Variants in KDM2B observed in about 807,000 individuals in gnomAD.
KDM2B encodes lysine demethylase 2B.
KDM2B carries 26 observed loss-of-function variants against 150.0 expected under a neutral mutation model. That is an observed-to-expected ratio of 0.17 (90% CI 0.13 to 0.24). The LOEUF is 0.24. Among genes scored for constraint, KDM2B ranks in the 10% least tolerant of loss-of-function variants. KDM2B has a pLI of 1.00. For missense variants in KDM2B, 1,265 were observed against 1,816.9 expected (o/e 0.70, Z 5.52); for synonymous variants, 734 against 729.5 (o/e 1.01, Z -0.10).
At chr12:121,534,335 C>T (rs1201418095) in intron 7 of KDM2B, among the ~76,000 whole-genome samples, 162 bp downstream of exon 7, 4 of 146,898 alleles carry the variant, frequency 2.7e-5, no homozygotes, top group African/African-American at 5.1e-5. Flanking sequence ...GGCGACAGAG[C>T]GAGACTCCAT....
At chr12:121,517,041 G>A (rs1472711559) in intron 9 of KDM2B, among the ~76,000 whole-genome samples, 1 of 152,000 alleles carries the variant, frequency 6.6e-6, no homozygotes, top group Non-Finnish European at 1.5e-5. Flanking sequence ...ACTGGGAGGG[G>A]GGGAAAGATA....
At position 121,430,012 on chromosome 12, in the gene KDM2B, C is replaced by A; in HGVS notation, c.*276G>T. The A allele has an allele frequency of 9.9e-7, 1 of 1,005,048 alleles. No individual in the cohort carries two copies. The allele number at this position is 1,005,048 out of a possible 1,614,324, so 62.3% of individuals were successfully genotyped here. A position where few individuals can be genotyped will look rare whatever the true frequency, so the allele number is the denominator to read the frequency against. On this transcript the variant is annotated 3_prime_UTR_variant, in exon 23 of 23. Coordinates refer to ENST00000377071, the MANE Select transcript of KDM2B (RefSeq NM_032590.5). This position sits in a 1 kb window ranked among gnomAD's most constrained non-coding sequence, Gnocchi z 4.4. ...TTCAGTATGAGAATTTCTCCGAAGT[C>A]CACCCTCCTCTCCGACAGGAATGTC...
chr12:121,413,106 A>G, the KDM2B span, among the ~76,000 whole-genome samples: 2 of 148,240 alleles, frequency 1.3e-5, no homozygotes, highest in African/African-American at 5.1e-5. Context: ...GCTCACTGCA[A>G]CCTCCGCCTC....
At position 121,515,595 on chromosome 12, in the gene KDM2B, G is replaced by A. The variant is rs985004139; in HGVS notation, c.1048-2193C>T. ...ATAAACAGGTGACATTCCCCATCTG[G>A]GACAAAGACAACTAGAAGCAGACCT... On this transcript the variant is annotated intron_variant, in intron 9 of 22. Transcript: ENST00000377071. 8.2e-5 allele frequency among the ~76,000 whole-genome samples: 12 copies of A among 146,002 alleles called. 1 individual carries two copies. In the Admixed American group the frequency reaches 8.2e-4, roughly 10 times the overall value.
downstream of KDM2B, among the ~76,000 whole-genome samples, chr12:121,428,852 C>T (rs1159149693): frequency 1.3e-5 from 2 of 152,164 alleles, no homozygotes; most frequent in African/African-American, 2.4e-5. Context: ...CCAAATCTGG[C>T]GAACTTTTAG....
At chr12:121,524,536 G>C (rs1425898465) in intron 8 of KDM2B, 1 of 196,164 alleles carries the variant, frequency 5.1e-6, no homozygotes, top group Non-Finnish European at 1.1e-5. Context: ...GGGCCTCAAG[G>C]GTGGGTCAGG....
intron 4 of KDM2B, among the ~76,000 whole-genome samples, chr12:121,565,872 C>A (rs1555314806): frequency 6.6e-6 from 1 of 152,044 alleles, no homozygotes; most frequent in African/African-American, 2.4e-5. Context: ...GGTGATCCAC[C>A]CATCTTGGCC....
intron 13 of KDM2B, among the ~76,000 whole-genome samples, chr12:121,450,230 C>T (rs2138609330): frequency 6.6e-6 from 1 of 151,722 alleles, no homozygotes. Context: ...AGGATAATTT[C>T]TTGAACCCAG....
At chr12:121,548,800 C>G in intron 6 of KDM2B, 77 bp downstream of exon 6, 1 of 1,073,306 alleles carries the variant, frequency 9.3e-7, no homozygotes, top group Non-Finnish European at 1.4e-6. Context: ...TGGCCAGGAG[C>G]CTCCTTCCCA....
rs377326836 is a variant in KDM2B at position 121,442,558 on chromosome 12, C to T, written c.2883G>A (p.Thr961=). ...SKELNHEIQR[T]ENSLANENQQ... ...GGTTCTCGTTGGCCAGGCTGTTCTC[C>T]GTCCTCTGGATCTCGTGGTTGAGCT... Residue 961 remains threonine, a synonymous_variant, in exon 19 of 23, where the codon ACG becomes ACA. Coordinates refer to ENST00000377071, the MANE Select transcript of KDM2B (RefSeq NM_032590.5). The surrounding 1 kb of genome is among the most constrained non-coding windows in gnomAD (Gnocchi z 7.7). 4.3e-5 allele frequency: 69 copies of T among 1,600,316 alleles called. No homozygotes were observed. In the African/African-American group the frequency reaches 7.1e-4, roughly 16 times the overall value.
intron 4 of KDM2B, among the ~76,000 whole-genome samples, chr12:121,551,323 G>C (rs1889471650): frequency 6.6e-6 from 1 of 152,040 alleles, no homozygotes; most frequent in South Asian, 2.1e-4. Context: ...ACCAGCCTGG[G>C]GAACACAGCA....
intron 8 of KDM2B, among the ~76,000 whole-genome samples, chr12:121,523,059 CGTGGGG>C (rs1566373580): frequency 1.3e-5 from 2 of 152,198 alleles, no homozygotes; most frequent in African/African-American, 4.8e-5. Flanking sequence ...GGTCACACAG[CGTGGGG>C]CTAGGAGATG....
At chr12:121,482,263 G>A (rs1882237703) in intron 12 of KDM2B, among the ~76,000 whole-genome samples, 1 of 151,908 alleles carries the variant, frequency 6.6e-6, no homozygotes, top group African/African-American at 2.4e-5. Context: ...TAAGTCTAGT[G>A]GGAAAAAAGG....
intron 8 of KDM2B, among the ~76,000 whole-genome samples, chr12:121,532,329 G>A (rs1887726466): frequency 1.3e-5 from 2 of 152,128 alleles, no homozygotes; most frequent in African/African-American, 4.8e-5. Context: ...GTGAACTGGA[G>A]GCAAGGAGAT....
intron 9 of KDM2B, among the ~76,000 whole-genome samples, chr12:121,514,082 C>T (rs1286025730): frequency 6.6e-6 from 1 of 152,104 alleles, no homozygotes; most frequent in Non-Finnish European, 1.5e-5. Flanking sequence ...GACCTGAGAC[C>T]AGCGTGATGC....
chr12:121,418,030 C>T, the KDM2B span: 1 of 1,056,562 alleles, frequency 9.5e-7, no homozygotes, highest in Non-Finnish European at 1.4e-6. Context: ...TGGAGTGAAG[C>T]TTCCACACCC....
At chr12:121,516,662 C>T (rs1034383961) in intron 9 of KDM2B, 15 of 685,050 alleles carry the variant, frequency 2.2e-5, no homozygotes, top group African/African-American at 5.8e-5. Context: ...GCAGGTCATC[C>T]GTCTACCAGA....
At chr12:121,517,304 G>T (rs1266100505) in intron 9 of KDM2B, among the ~76,000 whole-genome samples, 1 of 152,064 alleles carries the variant, frequency 6.6e-6, no homozygotes, top group East Asian at 1.9e-4. Context: ...ACCTGTATAT[G>T]TTCGTGCCAC....
intron 11 of KDM2B, among the ~76,000 whole-genome samples, chr12:121,507,370 A>G (rs536973247): frequency 1.2e-4 from 19 of 152,338 alleles, no homozygotes; most frequent in Non-Finnish European, 2.6e-4. Context: ...TCTCAAAAAA[A>G]TAAAAGTACT....
Sources: allele counts gnomAD v4.1 joint callset (sites outside exome capture counted in the v4.1 genomes callset), GRCh38; gene constraint gnomAD v4.1.1; non-coding constraint Gnocchi (gnomAD v3.1); transcripts MANE v1.5; gene names NCBI Gene and HGNC (gene_info 2026-07-23, HGNC 2026-07-21).